Variants in KCNMA1 observed in about 807,000 individuals in gnomAD.
The protein encoded by KCNMA1 is potassium calcium-activated channel subfamily M alpha 1, also known as Calcium-activated potassium channel subunit alpha-1.
Under a neutral mutation model 140.0 loss-of-function variants are expected in KCNMA1, and 29 were observed. That is an observed-to-expected ratio of 0.21 (90% CI 0.15 to 0.28). The LOEUF (loss-of-function observed/expected upper bound fraction) is 0.28, where lower values mean the gene tolerates loss of function less well. KCNMA1 is among the 10% of genes least tolerant of loss of function. The probability of loss-of-function intolerance (pLI) is 1.00; values close to 1 mark genes in which losing one functional copy is unlikely to be tolerated. For missense variants in KCNMA1, 880 were observed against 1,602.2 expected, an observed-to-expected ratio of 0.55 and a Z score of 7.70; for synonymous variants, 612 against 611.9, an observed-to-expected ratio of 1.00 and a Z score of 0.00.
At chr10:77,581,945 G>A (rs555928701) in intron 1 of KCNMA1, among the ~76,000 whole-genome samples, 1 of 152,348 alleles carries the variant, frequency 6.6e-6, no homozygotes, top group African/African-American at 2.4e-5. Context: ...GCTGTCATCG[G>A]TCTCTGATCT....
intron 19 of KCNMA1, among the ~76,000 whole-genome samples, chr10:76,999,194 C>T (rs2085374140): frequency 6.6e-6 from 1 of 152,224 alleles, no homozygotes; most frequent in Non-Finnish European, 1.5e-5. Context: ...AATTGCACAG[C>T]TGAGAAATCC....
intron 1 of KCNMA1, among the ~76,000 whole-genome samples, chr10:77,630,079 C>T (rs1019543683): frequency 6.6e-6 from 1 of 152,204 alleles, no homozygotes; most frequent in African/African-American, 2.4e-5. Flanking sequence ...GCGTGTCCCC[C>T]AGTCACTCCA....
chr10:77,170,756 A>T (rs2098697566), intron 5 of KCNMA1, among the ~76,000 whole-genome samples: 1 of 152,230 alleles, frequency 6.6e-6, no homozygotes, highest in Admixed American at 6.5e-5. Context: ...GCTCTAGACA[A>T]AATACTAGTG....
chr10:77,151,741 T>C (rs995772749), intron 5 of KCNMA1, among the ~76,000 whole-genome samples: 7 of 152,194 alleles, frequency 4.6e-5, no homozygotes, highest in East Asian at 1.9e-4. Flanking sequence ...TAGAGCAAGA[T>C]GTTACATCTC....
intron 1 of KCNMA1, among the ~76,000 whole-genome samples, chr10:77,541,627 T>C (rs529175378): frequency 1.3e-5 from 2 of 152,250 alleles, no homozygotes; most frequent in African/African-American, 4.8e-5. Flanking sequence ...AGAAAGTACA[T>C]GTTCCAAAAT....
At chr10:77,052,027 GTGATGATGC>G (rs1247653816) in intron 14 of KCNMA1, among the ~76,000 whole-genome samples, 7 of 152,188 alleles carry the variant, frequency 4.6e-5, no homozygotes, top group African/African-American at 1.4e-4. Flanking sequence ...GATAGTGATA[GTGATGATGC>G]TGATGATGCT....
intron 1 of KCNMA1, among the ~76,000 whole-genome samples, chr10:77,558,063 G>A (rs2065153147): frequency 6.6e-6 from 1 of 152,060 alleles, no homozygotes; most frequent in African/African-American, 2.4e-5. Context: ...CTTTCACCTT[G>A]AACTGAAGGA....
chr10:77,404,079 T>C, intron 1 of KCNMA1, 56 bp from the exon 2 acceptor site: 1 of 1,577,714 alleles, frequency 6.3e-7, no homozygotes. Flanking sequence ...TTAAATAACA[T>C]GCTCTACCCA....
intron 2 of KCNMA1, among the ~76,000 whole-genome samples, chr10:77,371,097 T>C (rs1866591): frequency 0.17 from 26,286 of 152,138 alleles, 2,434 homozygotes; most frequent in East Asian, 0.33. Flanking sequence ...CCAGCGTTCT[T>C]TAAAGACAGC....
At chr10:77,081,689 T>C (rs1351216612) in intron 12 of KCNMA1, among the ~76,000 whole-genome samples, 1 of 152,096 alleles carries the variant, frequency 6.6e-6, no homozygotes, top group Non-Finnish European at 1.5e-5. Flanking sequence ...TTCATTTTAT[T>C]TTTGAAAAAG....
At chr10:77,376,948 A>C (rs7906441) in intron 2 of KCNMA1, among the ~76,000 whole-genome samples, 47 of 148,430 alleles carry the variant, frequency 3.2e-4, no homozygotes, top group African/African-American at 7.3e-4. Flanking sequence ...AAAATAAATA[A>C]ATACATACAT....
chr10:77,144,931 G>A (rs1043024558), intron 5 of KCNMA1, among the ~76,000 whole-genome samples: 3 of 152,028 alleles, frequency 2.0e-5, no homozygotes, highest in African/African-American at 4.8e-5. Context: ...CTTCACAGAC[G>A]AACTATCCAG....
chr10:77,511,104 A>C (rs1231923962), intron 1 of KCNMA1, among the ~76,000 whole-genome samples: 1 of 152,332 alleles, frequency 6.6e-6, no homozygotes, highest in African/African-American at 2.4e-5. Context: ...CTCAAAATTC[A>C]TAGAGCATGA....
chr10:77,469,393 G>A (rs898940837), intron 1 of KCNMA1, among the ~76,000 whole-genome samples: 12 of 152,260 alleles, frequency 7.9e-5, no homozygotes, highest in African/African-American at 2.9e-4. Context: ...GCCACCTAAG[G>A]AAAACACAGC....
chr10:77,629,124 C>G (rs1047921057), intron 1 of KCNMA1, among the ~76,000 whole-genome samples: 10 of 152,198 alleles, frequency 6.6e-5, no homozygotes, highest in Admixed American at 2.6e-4. Flanking sequence ...CAAGGCTCGG[C>G]TTGACAACGT....
At chr10:76,954,928 ATCATAG>A (rs1222730428) in intron 20 of KCNMA1, among the ~76,000 whole-genome samples, 1 of 152,178 alleles carries the variant, frequency 6.6e-6, no homozygotes, top group Non-Finnish European at 1.5e-5. Context: ...TGCACCTTGA[ATCATAG>A]TCAATGTCCA....
At chr10:77,331,278 C>A (rs2086307768) in intron 2 of KCNMA1, among the ~76,000 whole-genome samples, 1 of 152,134 alleles carries the variant, frequency 6.6e-6, no homozygotes, top group East Asian at 1.9e-4. Context: ...CTAATCTGAG[C>A]AATAACTTGC....
intron 20 of KCNMA1, among the ~76,000 whole-genome samples, chr10:76,967,955 AG>A (rs1373849622): frequency 2.0e-5 from 3 of 152,164 alleles, no homozygotes; most frequent in Non-Finnish European, 4.4e-5. Flanking sequence ...AAACTGACAC[AG>A]GCATGCTTTT....
chr10:77,109,067 A>AC (rs2097259314), intron 8 of KCNMA1, among the ~76,000 whole-genome samples: 1 of 152,028 alleles, frequency 6.6e-6, no homozygotes, highest in Non-Finnish European at 1.5e-5. Context: ...TTAAAAAAAA[A>AC]AAAACACTGA....
Sources: allele counts gnomAD v4.1 joint callset (sites outside exome capture counted in the v4.1 genomes callset), GRCh38; gene constraint gnomAD v4.1.1; transcripts MANE v1.5; gene names NCBI Gene and HGNC (gene_info 2026-07-23, HGNC 2026-07-21).